AGAP1: variants seen among roughly 807,000 people sequenced by gnomAD.
AGAP1 encodes arf-GAP with GTPase, ANK repeat and PH domain-containing protein 1.
In AGAP1, 29 loss-of-function variants were observed where a neutral mutation model predicts 105.3. The observed-to-expected ratio is 0.28, with a 90% CI of 0.21 to 0.38. The LOEUF is 0.38. Among genes scored for constraint, AGAP1 ranks in the 10% least tolerant of loss-of-function variants. AGAP1 has a pLI of 1.00. For synonymous variants in AGAP1, 509 were observed against 485.9 expected, an observed-to-expected ratio of 1.05 and a Z score of -0.63; for missense variants, 998 against 1,165.1, an observed-to-expected ratio of 0.86 and a Z score of 2.09.
chr2:235,972,164 A>G (rs2054675463), intron 13 of AGAP1, among the ~76,000 whole-genome samples: 1 of 152,238 alleles, frequency 6.6e-6, no homozygotes, highest in East Asian at 1.9e-4. Context: ...GGTTACTACT[A>G]GTGTATTCTC....
intron 1 of AGAP1, among the ~76,000 whole-genome samples, chr2:235,567,520 C>T (rs1039418360): frequency 6.6e-6 from 1 of 152,238 alleles, no homozygotes; most frequent in African/African-American, 2.4e-5. Context: ...CGTGTCTGTT[C>T]TTGCGCTGTC....
intron 10 of AGAP1, among the ~76,000 whole-genome samples, chr2:235,884,195 G>A (rs1331687206): frequency 2.6e-5 from 4 of 152,126 alleles, no homozygotes; most frequent in Admixed American, 1.3e-4. Context: ...TCAGTCATTT[G>A]ATTCCATTGT....
intron 1 of AGAP1, among the ~76,000 whole-genome samples, chr2:235,500,725 G>A (rs535724883): frequency 4.6e-5 from 7 of 152,324 alleles, no homozygotes; most frequent in Middle Eastern, 6.8e-3. Context: ...TTGAAAAGCA[G>A]CTGAATGCTG....
rs1232465594 is a variant in AGAP1, at chr2:236,087,527, G to C, written c.2115-32665G>C. 6.6e-6 allele frequency among the ~76,000 whole-genome samples: 1 copy of C among 152,196 alleles called. No homozygotes were observed. The highest frequency in any genetic ancestry group is 2.1e-4 in the South Asian group (1 of 4,830). Reference sequence around the variant, plus strand: ...GAAATGGCAAATGCGGTGTAGGACTGTGGTGCACACTGCCCATGACGGGCT... The same window carrying C: ...GAAATGGCAAATGCGGTGTAGGACTCTGGTGCACACTGCCCATGACGGGCT... On this transcript the variant is annotated intron_variant, in intron 16 of 17. Transcript: ENST00000304032. This position sits in a 1 kb window ranked among gnomAD's most constrained non-coding sequence, Gnocchi z 5.7.
Position 235,744,279 on chromosome 2 carries a change from G to A in AGAP1, c.397-419G>A, listed in dbSNP as rs575835610. 2.0e-5 allele frequency among the ~76,000 whole-genome samples: 3 copies of A among 152,192 alleles called. No individual in the cohort carries two copies. The highest frequency in any genetic ancestry group is 6.5e-5 in the Admixed American group (1 of 15,276). ...GAGCAGGCATGAGGGGTCCAGCAAGGCTTCCTTAAGAGGTTGAGAGTACAG... is the reference window on the plus strand; with the variant it reads ...GAGCAGGCATGAGGGGTCCAGCAAGACTTCCTTAAGAGGTTGAGAGTACAG... On this transcript the variant is annotated intron_variant, in intron 4 of 17. Transcript: ENST00000304032. This position sits in a 1 kb window ranked among gnomAD's most constrained non-coding sequence, Gnocchi z 5.2.
rs13410608 is a variant in AGAP1 at position 235,747,640 on chromosome 2, T to C, written c.539-2714T>C. ...ACTTCAGGGAGCACCCCAGAAAGCC[T>C]GATGGCAGGAAGCTGGCATGCACGT... On this transcript the variant is annotated intron_variant, in intron 5 of 17. Coordinates refer to ENST00000304032, the MANE Select transcript of AGAP1 (RefSeq NM_001037131.3). This position sits in a 1 kb window ranked among gnomAD's most constrained non-coding sequence, Gnocchi z 5.0. 0.021 allele frequency among the ~76,000 whole-genome samples: 3,270 copies of C among 152,280 alleles called. 102 individuals are homozygous for C. Among genetic ancestry groups the C allele is most frequent in the African/African-American group, 0.068 (2,812 of 41,564 alleles).
Position 235,618,490 on chromosome 2 carries a change from G to GT in AGAP1, c.164-90688dup, listed in dbSNP as rs1352134014. Among the ~76,000 whole-genome samples the GT allele has an allele frequency of 6.6e-5, 10 of 152,156 alleles. No individual in the cohort carries two copies. In the East Asian group the frequency reaches 1.9e-3, roughly 29 times the overall value. Reference sequence around the variant, plus strand: ...GTTTTTTTCTAACCTTCACTTTCTGGTAGACCCATTTCACATTAGTGCAAA... The same window carrying GT: ...GTTTTTTTCTAACCTTCACTTTCTGGTTAGACCCATTTCACATTAGTGCAAA... On this transcript the variant is annotated intron_variant, in intron 1 of 17. Coordinates refer to ENST00000304032, the MANE Select transcript of AGAP1 (RefSeq NM_001037131.3).
chr2:235,499,591 C>T (rs570770393), intron 1 of AGAP1, among the ~76,000 whole-genome samples: 8 of 152,148 alleles, frequency 5.3e-5, no homozygotes, highest in Non-Finnish European at 1.2e-4. Context: ...ACAATGCGGG[C>T]GTTCCTTGTG....
At position 235,879,098 on chromosome 2, in the gene AGAP1, G is replaced by A. The variant is rs1283196055; in HGVS notation, c.1051-4247G>A. ...TGGCAGGAGTGAAGACGGCAGGAGA[G>A]CTGGCCCTGCCACATTCCGTTAGCT... On this transcript the variant is annotated intron_variant, in intron 9 of 17. Transcript: ENST00000304032. The surrounding 1 kb of genome is among the most constrained non-coding windows in gnomAD (Gnocchi z 5.0). Among the ~76,000 whole-genome samples, 1 of 152,218 alleles carries A rather than the reference G, an allele frequency of 6.6e-6. No individual in the cohort carries two copies. Among genetic ancestry groups the A allele is most frequent in the African/African-American group, 2.4e-5 (1 of 41,458 alleles).
chr2:235,737,779 G>A lies in AGAP1; in HGVS notation c.311-3184G>A, dbSNP rs989746704. On this transcript the variant is annotated intron_variant, in intron 3 of 17. Coordinates refer to ENST00000304032, the MANE Select transcript of AGAP1 (RefSeq NM_001037131.3). This position sits in a 1 kb window ranked among gnomAD's most constrained non-coding sequence, Gnocchi z 4.5. ...GAGGTAGGCAGCGAGGGACACTGGC[G>A]TTGCAGGGCCCCTGGGACAGGCTCC... Among the ~76,000 whole-genome samples the A allele has an allele frequency of 5.3e-5, 8 of 152,146 alleles. No individual in the cohort carries two copies. In the East Asian group the frequency reaches 9.7e-4, roughly 18 times the overall value.
At chr2:235,636,165 T>A (rs1946995847) in intron 1 of AGAP1, among the ~76,000 whole-genome samples, 1 of 149,274 alleles carries the variant, frequency 6.7e-6, no homozygotes, top group Admixed American at 6.6e-5. Context: ...AGTCTCATCT[T>A]ATGGAGCAAA....
chr2:235,597,784 G>T (rs1201783439), intron 1 of AGAP1, among the ~76,000 whole-genome samples: 10 of 106,836 alleles, frequency 9.4e-5, no homozygotes, highest in African/African-American at 2.1e-4. Context: ...ACGCGCTCCC[G>T]TGTTTCCTTT....
chr2:235,704,962 C>CTTTTTTTTTTTTTTTT (rs796721149), intron 1 of AGAP1, among the ~76,000 whole-genome samples: 1 of 86,010 alleles, frequency 1.2e-5, no homozygotes, highest in Non-Finnish European at 2.3e-5. Context: ...ATACAAGATG[C>CTTTTTTTTTTTTTTTT]TTTTTTCTTT....
chr2:235,861,318 G>A (rs2048919686), intron 9 of AGAP1, among the ~76,000 whole-genome samples: 2 of 152,166 alleles, frequency 1.3e-5, no homozygotes, highest in South Asian at 2.1e-4. Flanking sequence ...ATAAGGTGTG[G>A]TCTGTTCTAT....
chr2:236,112,474 A>G (rs942323763), intron 16 of AGAP1, among the ~76,000 whole-genome samples: 1 of 150,888 alleles, frequency 6.6e-6, no homozygotes, highest in South Asian at 2.1e-4. Context: ...TGACTTGCAC[A>G]TTTTCTTCTG....
intron 1 of AGAP1, among the ~76,000 whole-genome samples, chr2:235,571,473 C>T (rs536773842): frequency 6.6e-6 from 1 of 152,180 alleles, no homozygotes; most frequent in Non-Finnish European, 1.5e-5. Context: ...CTGATGGCTG[C>T]CTTATTGGAC....
intron 1 of AGAP1, among the ~76,000 whole-genome samples, chr2:235,519,177 A>G (rs760837945): frequency 5.9e-5 from 9 of 152,146 alleles, no homozygotes; most frequent in East Asian, 1.9e-4. Flanking sequence ...GGCTCAAGCA[A>G]TCCTCCCACC....
intron 9 of AGAP1, among the ~76,000 whole-genome samples, chr2:235,858,780 C>T (rs1170296285): frequency 1.3e-5 from 2 of 152,184 alleles, no homozygotes; most frequent in African/African-American, 4.8e-5. Context: ...GAGGCTTACT[C>T]ATATTTTAAT....
At position 236,110,482 on chromosome 2, in the gene AGAP1, G is replaced by A. The variant is rs2059614158; in HGVS notation, c.2115-9710G>A. Among the ~76,000 whole-genome samples the A allele has an allele frequency of 4.6e-5, 7 of 152,248 alleles. No individual in the cohort carries two copies. In the South Asian group the frequency reaches 1.5e-3, roughly 32 times the overall value. ...GGAGGCTGAGGCAGGAGGATGACTTGAGCCCGGGAGTTCCAGACTGCAGTG... is the reference window on the plus strand; with the variant it reads ...GGAGGCTGAGGCAGGAGGATGACTTAAGCCCGGGAGTTCCAGACTGCAGTG... On this transcript the variant is annotated intron_variant, in intron 16 of 17. Transcript: ENST00000304032.
Sources: gnomAD v4.1 joint callset for allele counts (sites outside exome capture counted in the v4.1 genomes callset) on GRCh38, gnomAD v4.1.1 for gene constraint, Gnocchi (gnomAD v3.1) non-coding constraint, MANE v1.5 for transcripts, NCBI Gene and HGNC (gene_info 2026-07-23, HGNC 2026-07-21) for gene names.